LBR: variants seen among roughly 807,000 people sequenced by gnomAD.
LBR encodes lamin B receptor, also known as delta(14)-sterol reductase LBR.
In LBR, 28 loss-of-function variants were observed where a neutral mutation model predicts 74.3. The observed-to-expected ratio is 0.38, with a 90% CI of 0.28 to 0.52. The LOEUF is 0.52. Among genes scored for constraint, LBR ranks in the 20% least tolerant of loss-of-function variants. The pLI, the probability that LBR is intolerant of heterozygous loss-of-function variation, is 0.89. For synonymous variants in LBR, 228 were observed against 269.3 expected (o/e 0.85, Z 1.50); for missense variants, 717 against 760.3 (o/e 0.94, Z 0.67).
Position 225,424,788 on chromosome 1 carries a change from A to G in LBR, c.-14-699T>C, listed in dbSNP as rs374803169. 3.9e-4 allele frequency among the ~76,000 whole-genome samples: 59 copies of G among 152,346 alleles called. 2 individuals carry two copies. The South Asian group carries it at 0.012, about 31-fold the overall frequency. ...TCAAAACATGGCCCACAAGCCCCACAATACTCTAGGAATCCACAAGCAATC... is the reference window on the plus strand; with the variant it reads ...TCAAAACATGGCCCACAAGCCCCACGATACTCTAGGAATCCACAAGCAATC... On this transcript the variant is annotated intron_variant, in intron 1 of 13. Coordinates refer to ENST00000272163, the MANE Select transcript of LBR (RefSeq NM_002296.4).
chr1:225,409,226 G>C (rs1009771142), intron 10 of LBR, among the ~76,000 whole-genome samples: 1 of 152,220 alleles, frequency 6.6e-6, no homozygotes, highest in Non-Finnish European at 1.5e-5. Context: ...TGAAGTGGTA[G>C]GAGCGCAACA....
intron 8 of LBR, among the ~76,000 whole-genome samples, chr1:225,411,742 G>A (rs757775998): frequency 2.0e-4 from 30 of 152,184 alleles, no homozygotes; most frequent in Admixed American, 3.9e-4. Flanking sequence ...TTAGATAGGC[G>A]ACATTTTTTT....
At chr1:225,415,112 G>A (rs1364847865) in intron 7 of LBR, among the ~76,000 whole-genome samples, 166 bp downstream of exon 7, 3 of 152,130 alleles carry the variant, frequency 2.0e-5, no homozygotes, top group Admixed American at 2.0e-4. Context: ...TACTTTAATG[G>A]CATAATTTAT....
chr1:225,415,180 A>G, intron 7 of LBR, 98 bp downstream of exon 7: 1 of 775,704 alleles, frequency 1.3e-6, no homozygotes, highest in Non-Finnish European at 2.2e-6. Flanking sequence ...ATAATTTATC[A>G]CTTACTACTC....
chr1:225,406,870 C>T (rs1408201809), intron 10 of LBR, 38 bp from the exon 11 acceptor site: 1 of 1,599,318 alleles, frequency 6.3e-7, no homozygotes, highest in Admixed American at 1.7e-5. Flanking sequence ...GAAGGAGCTT[C>T]TGTGTTTAAA....
intron 1 of LBR, among the ~76,000 whole-genome samples, chr1:225,426,452 C>G (rs577499987): frequency 1.3e-5 from 2 of 152,328 alleles, no homozygotes; most frequent in East Asian, 3.9e-4. Context: ...TGTCCTCATT[C>G]GCCATAAACA....
At position 225,402,721 on chromosome 1, in the gene LBR, T is replaced by G. The variant is rs572258776; in HGVS notation, c.*582A>C. 6.5e-6 allele frequency: 1 copy of G among 152,684 alleles called. No individual in the cohort carries two copies. Among genetic ancestry groups the G allele is most frequent in the Non-Finnish European group, 1.5e-5 (1 of 68,092 alleles). 9.5% of individuals were successfully genotyped at this position (152,684 alleles called of 1,614,324 possible). A position where few individuals can be genotyped will look rare whatever the true frequency, so the allele number is the denominator to read the frequency against. ...TACATTTTCAATGTAGTTTTAGAAG[T>G]TGAGGTTAAGCCAACTGCTACAAAT... On this transcript the variant is annotated 3_prime_UTR_variant, in exon 14 of 14. Coordinates refer to ENST00000272163, the MANE Select transcript of LBR (RefSeq NM_002296.4).
intron 13 of LBR, 38 bp downstream of exon 13, chr1:225,404,366 C>CT: frequency 6.2e-7 from 1 of 1,612,892 alleles, no homozygotes; most frequent in Non-Finnish European, 8.5e-7. Flanking sequence ...TTTCTGGCGG[C>CT]TAAAAGGGTC....
At chr1:225,427,029 G>C (rs548317265) in intron 1 of LBR, among the ~76,000 whole-genome samples, 2 of 152,216 alleles carry the variant, frequency 1.3e-5, no homozygotes, top group African/African-American at 2.4e-5. Flanking sequence ...ACGTGTTTAC[G>C]TGCAAGGTCC....
At chr1:225,404,822 A>T in intron 11 of LBR, 116 bp from the exon 12 acceptor site, 1 of 797,116 alleles carries the variant, frequency 1.3e-6, no homozygotes, top group East Asian at 2.7e-5. Context: ...TCCAAAGCAG[A>T]CTCCTAGGCT....
chr1:225,420,778 C>CA (rs60369092), intron 3 of LBR, among the ~76,000 whole-genome samples: 13,205 of 114,884 alleles, frequency 0.11, 727 homozygotes, highest in South Asian at 0.18. Context: ...CCACATTCTC[C>CA]AAAAAAAAAA....
At chr1:225,427,902 C>T (rs1172943029) in intron 1 of LBR, 52 bp downstream of exon 1, 1 of 152,194 alleles carries the variant, frequency 6.6e-6, no homozygotes, top group Non-Finnish European at 1.5e-5. Context: ...AGCGGCCCCT[C>T]GAAGAACGCG....
rs1475539558 is a variant in LBR at position 225,420,304 on chromosome 1, C to T, written c.367-506G>A. Among the ~76,000 whole-genome samples the T allele has an allele frequency of 1.3e-4, 13 of 103,372 alleles. No homozygotes were observed. In the East Asian group the frequency reaches 2.0e-3, roughly 16 times the overall value. The allele number at this position is 103,372 out of a possible 152,430, so 67.8% of individuals were successfully genotyped here. On this transcript the variant is annotated intron_variant, in intron 3 of 13. Coordinates refer to ENST00000272163, the MANE Select transcript of LBR (RefSeq NM_002296.4). The stretch of plus-strand genomic sequence containing the variant: ...AGCCTGGGCAACAAGAATGAAACTC[C>T]GCCTCAAAAAAAAAAAAAACAACTT...
At chr1:225,425,229 G>A (rs1371653480) in intron 1 of LBR, among the ~76,000 whole-genome samples, 2 of 152,102 alleles carry the variant, frequency 1.3e-5, no homozygotes, top group African/African-American at 4.8e-5. Flanking sequence ...GAGTGGGGGG[G>A]GAGGCGGGGT....
At chr1:225,426,063 G>C (rs2096138563) in intron 1 of LBR, among the ~76,000 whole-genome samples, 1 of 152,198 alleles carries the variant, frequency 6.6e-6, no homozygotes, top group African/African-American at 2.4e-5. Context: ...GTGGATACCT[G>C]TTAGGTCTCT....
chr1:225,412,803 G>A (rs1375957001), intron 7 of LBR, among the ~76,000 whole-genome samples, 158 bp from the exon 8 acceptor site: 1 of 152,056 alleles, frequency 6.6e-6, no homozygotes, highest in Admixed American at 6.5e-5. Flanking sequence ...CAATGTCTGA[G>A]GTATAATTTT....
Position 225,410,435 on chromosome 1 carries a change from G to C in LBR, c.1189-19C>G. The C allele has an allele frequency of 6.2e-7, 1 of 1,613,604 alleles. No individual in the cohort carries two copies. Among genetic ancestry groups the C allele is most frequent in the Non-Finnish European group, 8.5e-7 (1 of 1,179,786 alleles). Reference sequence around the variant, plus strand: ...TAACCACCTGAAACAAAAGGGGAAAGTATATAGCCTCAAAGCACCTCCCCA... The same window carrying C: ...TAACCACCTGAAACAAAAGGGGAAACTATATAGCCTCAAAGCACCTCCCCA... On this transcript the variant is annotated intron_variant, in intron 9 of 13. Transcript: ENST00000272163.
rs75904736 is a variant in LBR at position 225,402,534 on chromosome 1, T to A, written c.*769A>T. The A allele has an allele frequency of 7.5e-3, 1,145 of 152,718 alleles. 10 individuals are homozygous for A. The highest frequency in any genetic ancestry group is 0.017 in the South Asian group (83 of 4,834). 9.5% of individuals were successfully genotyped at this position (152,718 alleles called of 1,614,324 possible). A position where few individuals can be genotyped will look rare whatever the true frequency, so the allele number is the denominator to read the frequency against. On this transcript the variant is annotated 3_prime_UTR_variant, in exon 14 of 14. Coordinates refer to ENST00000272163, the MANE Select transcript of LBR (RefSeq NM_002296.4). ...TATACAATAGTGAATGAATTCTAAT[T>A]GTTCCAAAATTTTTAATTCACATTA...
chr1:225,413,842 C>A, intron 7 of LBR: 1 of 392,940 alleles, frequency 2.5e-6, no homozygotes. Context: ...AGCAACTTGG[C>A]CAGCCACTCC....
Sources: gnomAD v4.1 joint callset for allele counts (sites outside exome capture counted in the v4.1 genomes callset) on GRCh38, gnomAD v4.1.1 for gene constraint, MANE v1.5 for transcripts, NCBI Gene and HGNC (gene_info 2026-07-23, HGNC 2026-07-21) for gene names.